HADHB: variants seen among roughly 807,000 people sequenced by gnomAD.
HADHB encodes trifunctional enzyme subunit beta, mitochondrial.
A neutral mutation model predicts 61.9 loss-of-function variants in HADHB; 50 were observed. The ratio of observed to expected loss-of-function variants is 0.81; its 90% confidence interval spans 0.64 to 1.02. The LOEUF (loss-of-function observed/expected upper bound fraction) is 1.02. HADHB is among the 50% of genes least tolerant of loss of function. The pLI, the probability that HADHB is intolerant of heterozygous loss-of-function variation, is 0.00. For missense variants in HADHB, 504 were observed against 586.5 expected (o/e 0.86, Z 1.45); for synonymous variants, 191 against 201.6 (o/e 0.95, Z 0.45).
chr2:26,277,323 A>G (rs1672571032), intron 7 of HADHB, among the ~76,000 whole-genome samples, 163 bp downstream of exon 7: 1 of 150,962 alleles, frequency 6.6e-6, no homozygotes, highest in Admixed American at 6.6e-5. Context: ...CTGCAGGCTC[A>G]AACTCTTGAG....
intron 5 of HADHB, 100 bp from the exon 6 acceptor site, chr2:26,273,550 TC>T: frequency 1.3e-6 from 1 of 744,410 alleles, no homozygotes; most frequent in Non-Finnish European, 2.5e-6. Context: ...CCTTTTAAAT[TC>T]AAGGCTAACC....
intron 5 of HADHB, among the ~76,000 whole-genome samples, chr2:26,271,067 T>C (rs569789095): frequency 6.0e-5 from 9 of 150,660 alleles, no homozygotes; most frequent in African/African-American, 2.2e-4. Context: ...TTTTTTTTTT[T>C]TGTATTTTTA....
chr2:26,282,856 A>T lies in HADHB; in HGVS notation c.945A>T (p.Ala315=). 1 of 1,610,474 alleles carries T rather than the reference A, an allele frequency of 6.2e-7. No individual in the cohort carries two copies. Among genetic ancestry groups the T allele is most frequent in the Non-Finnish European group, 8.5e-7 (1 of 1,177,128 alleles). Reference sequence around the variant, plus strand: ...GGTTAACATTTCAGACTGATGGTGCATCTGCAATGTTAATCATGGCGGAGG... The same window carrying T: ...GGTTAACATTTCAGACTGATGGTGCTTCTGCAATGTTAATCATGGCGGAGG... ...AANSSFLTDG[A]SAMLIMAEEK... Residue 315 remains alanine, a synonymous_variant, in exon 11 of 16, where the codon GCA becomes GCT. Transcript: ENST00000317799.
intron 1 of HADHB, among the ~76,000 whole-genome samples, chr2:26,251,459 A>G (rs1671394701): frequency 6.6e-6 from 1 of 152,172 alleles, no homozygotes; most frequent in South Asian, 2.1e-4. Flanking sequence ...AAGTGCTGGG[A>G]TTACAGGTGT....
intron 6 of HADHB, among the ~76,000 whole-genome samples, chr2:26,276,150 A>T (rs1672527388): frequency 6.6e-6 from 1 of 152,188 alleles, no homozygotes; most frequent in Non-Finnish European, 1.5e-5. Flanking sequence ...TTGACAGCAT[A>T]ATTTCCCCCA....
At position 26,284,208 on chromosome 2, in the gene HADHB, A is replaced by G. The variant is rs2303893; in HGVS notation, c.1149+4A>G. On this transcript the variant is annotated splice_donor_region_variant and intron_variant, in intron 13 of 15. Transcript: ENST00000317799. ...TGAATTTCATGAAGCTTTCTCGGTA[A>G]GTAATTTGAAAGACACATATGAAGG... 1 of 1,472,244 alleles carries G rather than the reference A, an allele frequency of 6.8e-7. No homozygotes were observed. Among genetic ancestry groups the G allele is most frequent in the Non-Finnish European group, 9.5e-7 (1 of 1,051,280 alleles). 91.2% of individuals were successfully genotyped at this position (1,472,244 alleles called of 1,614,324 possible).
intron 7 of HADHB, among the ~76,000 whole-genome samples, chr2:26,277,640 A>T (rs1220221814): frequency 2.0e-5 from 3 of 151,930 alleles, no homozygotes; most frequent in Non-Finnish European, 4.4e-5. Flanking sequence ...ACCGTAGTTA[A>T]CCTCTTTTTT....
At chr2:26,252,797 G>A (rs1235318213) in intron 1 of HADHB, among the ~76,000 whole-genome samples, 2 of 152,162 alleles carry the variant, frequency 1.3e-5, no homozygotes, top group African/African-American at 2.4e-5. Context: ...TGTCCTGTGT[G>A]TGAGTAATAT....
Position 26,290,241 on chromosome 2 carries a change from T to C in HADHB, c.*288T>C. On this transcript the variant is annotated 3_prime_UTR_variant, in exon 16 of 16. Transcript: ENST00000317799. Reference sequence around the variant, plus strand: ...CTAAAGACTAAATGAGGGTTTGCAGTTGGGAAAGAGGTCAACTGAGATTTG... The same window carrying C: ...CTAAAGACTAAATGAGGGTTTGCAGCTGGGAAAGAGGTCAACTGAGATTTG... 2 of 471,752 alleles carry C rather than the reference T, an allele frequency of 4.2e-6. No individual in the cohort carries two copies. The highest frequency in any genetic ancestry group is 7.1e-5 in the Admixed American group (2 of 28,072). The allele number at this position is 471,752 out of a possible 1,614,324, so 29.2% of individuals were successfully genotyped here.
chr2:26,282,847 T>G lies in HADHB; in HGVS notation c.936T>G (p.Thr312=), dbSNP rs1450155195. Residue 312 remains threonine, a splice_region_variant and synonymous_variant, in exon 11 of 16, where the codon ACT becomes ACG. Transcript: ENST00000317799. ...CATTGTGCTGGTTAACATTTCAGAC[T>G]GATGGTGCATCTGCAATGTTAATCA... The part of the protein sequence containing the change: ...TVTAANSSFL[T]DGASAMLIMA... 1.2e-6 allele frequency: 2 copies of G among 1,608,622 alleles called. No individual in the cohort carries two copies. The highest frequency in any genetic ancestry group is 8.5e-7 in the Non-Finnish European group (1 of 1,175,604).
rs143934340 is a variant in HADHB at position 26,274,445 on chromosome 2, A to G, written c.354+695A>G. Among the ~76,000 whole-genome samples the G allele has an allele frequency of 2.4e-3, 369 of 152,300 alleles. 3 individuals are homozygous for G. The highest frequency in any genetic ancestry group is 8.6e-3 in the African/African-American group (359 of 41,566). On this transcript the variant is annotated intron_variant, in intron 6 of 15. Coordinates refer to ENST00000317799, the MANE Select transcript of HADHB (RefSeq NM_000183.3). ...TCCCTAGTTCTGGTCTGTGCTTGCCATATTGTTGGGTTCAGTATCACTGTC... is the reference window on the plus strand; with the variant it reads ...TCCCTAGTTCTGGTCTGTGCTTGCCGTATTGTTGGGTTCAGTATCACTGTC...
At chr2:26,281,923 T>C (rs1217996166) in intron 10 of HADHB, among the ~76,000 whole-genome samples, 1 of 152,144 alleles carries the variant, frequency 6.6e-6, no homozygotes, top group Admixed American at 6.6e-5. Context: ...CTTTTCTTCT[T>C]TGAAGTATGG....
intron 3 of HADHB, among the ~76,000 whole-genome samples, chr2:26,258,342 T>C (rs1671716483): frequency 6.6e-6 from 1 of 152,210 alleles, no homozygotes; most frequent in Non-Finnish European, 1.5e-5. Flanking sequence ...GAATGGAACC[T>C]TGGGCCATGC....
intron 1 of HADHB, among the ~76,000 whole-genome samples, chr2:26,249,264 T>G (rs1318852670): frequency 1.3e-5 from 2 of 152,170 alleles, no homozygotes; most frequent in Non-Finnish European, 2.9e-5. Flanking sequence ...CCGGGCGTGG[T>G]GGCTCACGCC....
intron 1 of HADHB, among the ~76,000 whole-genome samples, chr2:26,251,821 A>C (rs1411031528): frequency 6.6e-6 from 1 of 152,236 alleles, no homozygotes; most frequent in African/African-American, 2.4e-5. Flanking sequence ...ACCCAAGAGA[A>C]GTTAAACCTT....
chr2:26,268,543 G>A (rs1188470272), intron 4 of HADHB, among the ~76,000 whole-genome samples: 2 of 152,142 alleles, frequency 1.3e-5, no homozygotes, highest in Non-Finnish European at 2.9e-5. Flanking sequence ...CCCCTGATAC[G>A]AAGCTAAGAG....
At chr2:26,245,557 T>A (rs1431284676) in intron 1 of HADHB, 4 of 152,032 alleles carry the variant, frequency 2.6e-5, no homozygotes, top group Non-Finnish European at 5.9e-5. Context: ...TGATTATCTA[T>A]CTGGTCGTTC....
chr2:26,286,530 TCTCA>T (rs914408160), intron 15 of HADHB, among the ~76,000 whole-genome samples: 1 of 151,972 alleles, frequency 6.6e-6, no homozygotes, highest in Non-Finnish European at 1.5e-5. Context: ...TGAGACAGAG[TCTCA>T]CTCTGTCCCC....
intron 3 of HADHB, 125 bp downstream of exon 3, chr2:26,254,599 C>T: frequency 1.4e-6 from 1 of 705,364 alleles, no homozygotes; most frequent in Non-Finnish European, 2.6e-6. Flanking sequence ...AGCACATGAA[C>T]ATCTCTGTTG....
Sources: allele counts gnomAD v4.1 joint callset (sites outside exome capture counted in the v4.1 genomes callset), GRCh38; gene constraint gnomAD v4.1.1; transcripts MANE v1.5; gene names NCBI Gene and HGNC (gene_info 2026-07-23, HGNC 2026-07-21).